SEC31A: variants seen among roughly 807,000 people sequenced by gnomAD.
SEC31A encodes protein transport protein Sec31A.
SEC31A carries 70 observed loss-of-function variants against 151.0 expected under a neutral mutation model. The ratio of observed to expected loss-of-function variants is 0.46; its 90% CI spans 0.38 to 0.57. The LOEUF (loss-of-function observed/expected upper bound fraction) is 0.57. SEC31A is among the 20% of genes least tolerant of loss of function. SEC31A has a pLI of 0.00. For synonymous variants in SEC31A, 475 were observed against 505.9 expected, an observed-to-expected ratio of 0.94 and a Z score of 0.82; for missense variants, 1,330 against 1,471.2, an observed-to-expected ratio of 0.90 and a Z score of 1.57.
intron 3 of SEC31A, among the ~76,000 whole-genome samples, chr4:82,896,632 G>T (rs532261208): frequency 6.6e-6 from 1 of 152,092 alleles, no homozygotes; most frequent in Non-Finnish European, 1.5e-5. Context: ...GGTGGCACAC[G>T]CCTGCAGTTC....
At chr4:82,886,270 T>C (rs766271625) in intron 1 of SEC31A, among the ~76,000 whole-genome samples, 1 of 152,352 alleles carries the variant, frequency 6.6e-6, no homozygotes, top group Middle Eastern at 3.4e-3. Flanking sequence ...GTTAAAAGCA[T>C]GGTCTCTGGA....
intron 22 of SEC31A, among the ~76,000 whole-genome samples, chr4:82,837,180 T>TGA (rs1560595447): frequency 1.9e-5 from 1 of 51,410 alleles, no homozygotes; most frequent in Admixed American, 3.0e-4. Flanking sequence ...TATATATATA[T>TGA]ATATATATAT....
chr4:82,848,640 T>C (rs988768994), intron 20 of SEC31A, among the ~76,000 whole-genome samples, 164 bp downstream of exon 20: 7 of 152,188 alleles, frequency 4.6e-5, no homozygotes, highest in African/African-American at 1.2e-4. Context: ...TTTCAAAAAG[T>C]AGATCACAAA....
chr4:82,841,850 T>C (rs528058439), intron 22 of SEC31A, among the ~76,000 whole-genome samples: 1 of 151,564 alleles, frequency 6.6e-6, no homozygotes, highest in African/African-American at 2.4e-5. Context: ...TGCATGTCTG[T>C]TATCCCAGCT....
At chr4:82,826,741 A>G (rs1560582471) in intron 24 of SEC31A, among the ~76,000 whole-genome samples, 1 of 152,262 alleles carries the variant, frequency 6.6e-6, no homozygotes, top group Non-Finnish European at 1.5e-5. Flanking sequence ...TCAAAGACAG[A>G]AACAGACAGT....
upstream of SEC31A, chr4:82,894,155 G>A (rs1719956829): frequency 6.6e-6 from 1 of 152,170 alleles, no homozygotes; most frequent in South Asian, 2.1e-4. Context: ...ACCATTCTTT[G>A]GCCCTACAGA....
intron 11 of SEC31A, 63 bp downstream of exon 11, chr4:82,864,299 A>C: frequency 9.0e-7 from 1 of 1,108,826 alleles, no homozygotes; most frequent in Non-Finnish European, 1.3e-6. Context: ...ACAGATTTAG[A>C]ATATAAAGGA....
intron 6 of SEC31A, among the ~76,000 whole-genome samples, 193 bp from the exon 7 acceptor site, chr4:82,872,279 C>T (rs1441708566): frequency 6.6e-6 from 1 of 151,926 alleles, no homozygotes; most frequent in Non-Finnish European, 1.5e-5. Context: ...CCTCCACCTC[C>T]CCCAGGTTCA....
At chr4:82,897,649 A>C (rs1720121944) in intron 3 of SEC31A, 1 of 152,134 alleles carries the variant, frequency 6.6e-6, no homozygotes, top group South Asian at 2.1e-4. Context: ...TGAGGTGGGA[A>C]GATTGCTTGG....
intron 22 of SEC31A, among the ~76,000 whole-genome samples, chr4:82,837,737 TG>T (rs1177125362): frequency 6.6e-6 from 1 of 152,188 alleles, no homozygotes; most frequent in African/African-American, 2.4e-5. Context: ...AGAGAATCAC[TG>T]GGGGAAGGAA....
At chr4:82,860,068 A>G (rs543975148) in intron 14 of SEC31A, among the ~76,000 whole-genome samples, 56 of 152,172 alleles carry the variant, frequency 3.7e-4, no homozygotes, top group Non-Finnish European at 6.9e-4. Context: ...CTGGGATTAC[A>G]GGCATGAGCC....
chr4:82,897,957 C>T (rs1288911432), intron 3 of SEC31A: 3 of 152,152 alleles, frequency 2.0e-5, no homozygotes, highest in African/African-American at 7.2e-5. Flanking sequence ...TCCAGGAATA[C>T]TTAATACATT....
chr4:82,844,616 AC>A, intron 20 of SEC31A, 107 bp from the exon 21 acceptor site: 1 of 1,130,120 alleles, frequency 8.8e-7, no homozygotes, highest in Non-Finnish European at 1.3e-6. Context: ...TTAAAAAAAA[AC>A]TTTATTGCAT....
At chr4:82,882,279 T>G (rs956317273) in intron 1 of SEC31A, among the ~76,000 whole-genome samples, 6 of 151,886 alleles carry the variant, frequency 4.0e-5, no homozygotes, top group Non-Finnish European at 7.4e-5. Context: ...GGCGGGCACC[T>G]GTAGTCCCAG....
chr4:82,891,090 G>T lies in SEC31A; in HGVS notation c.-7C>A. 1 of 1,535,978 alleles carries T rather than the reference G, an allele frequency of 6.5e-7. No homozygotes were observed. Among genetic ancestry groups the T allele is most frequent in the Non-Finnish European group, 8.7e-7 (1 of 1,146,802 alleles). On this transcript the variant is annotated splice_region_variant and 5_prime_UTR_variant, in exon 1 of 27. Transcript: ENST00000395310. The stretch of plus-strand genomic sequence containing the variant: ...CAAAAAGCAACGGGCGGACGCACCT[G>T]GCGAGGACCTTCGGCAGCCGGATCC...
At chr4:82,866,667 AT>A in intron 10 of SEC31A, 140 bp downstream of exon 10, 1 of 724,950 alleles carries the variant, frequency 1.4e-6, no homozygotes, top group Non-Finnish European at 2.1e-6. Context: ...CAGAGAAACC[AT>A]TTTGAATGAT....
rs1038273365 is a variant in SEC31A, at chr4:82,819,010, A to C, written c.*64T>G. On this transcript the variant is annotated 3_prime_UTR_variant, in exon 27 of 27. Coordinates refer to ENST00000395310, the MANE Select transcript of SEC31A (RefSeq NM_001077207.4). The stretch of plus-strand genomic sequence containing the variant: ...AATGAGGACTAGTCCATGTCTTATA[A>C]TTTTTTTTTTTAACATGTTTCTTTG... 1.5e-5 allele frequency: 18 copies of C among 1,170,268 alleles called. No individual in the cohort carries two copies. The highest frequency in any genetic ancestry group is 1.6e-5 in the Non-Finnish European group (14 of 856,122). 72.5% of individuals were successfully genotyped at this position (1,170,268 alleles called of 1,614,324 possible).
At chr4:82,893,156 C>A (rs113221246), upstream of SEC31A, 1,118 of 152,310 alleles carry the variant, frequency 7.3e-3, 17 homozygotes, top group Middle Eastern at 0.01. Flanking sequence ...GCAGCTTCAA[C>A]ATCCAGGGCG....
chr4:82,863,759 CTA>C (rs1203528718), intron 11 of SEC31A, among the ~76,000 whole-genome samples: 2 of 152,050 alleles, frequency 1.3e-5, no homozygotes, highest in African/African-American at 2.4e-5. Flanking sequence ...GTGGAATATT[CTA>C]TGTCCTAAAA....
Sources: gnomAD v4.1 joint callset for allele counts (sites outside exome capture counted in the v4.1 genomes callset) on GRCh38, gnomAD v4.1.1 for gene constraint, MANE v1.5 for transcripts, NCBI Gene and HGNC (gene_info 2026-07-23, HGNC 2026-07-21) for gene names.